RASAL2: variants seen among roughly 807,000 people sequenced by gnomAD.
RASAL2 encodes the protein RAS protein activator like 2, also known as ras GTPase-activating protein nGAP.
Under a neutral mutation model 128.9 loss-of-function variants are expected in RASAL2, and 58 were observed. The observed-to-expected ratio is 0.45, with a 90% confidence interval of 0.36 to 0.56. RASAL2 has a LOEUF of 0.56. Ranked by LOEUF, RASAL2 falls within the 20% of genes least tolerant of loss-of-function variation. The pLI is 0.00. For synonymous variants in RASAL2, 561 were observed against 580.8 expected, an observed-to-expected ratio of 0.97 and a Z score of 0.49; for missense variants, 1,360 against 1,601.6, an observed-to-expected ratio of 0.85 and a Z score of 2.57.
At chr1:178,390,346 C>T in intron 4 of RASAL2, 140 bp downstream of exon 4, 1 of 567,600 alleles carries the variant, frequency 1.8e-6, no homozygotes, top group Non-Finnish European at 3.0e-6. Context: ...AGGATAGACT[C>T]ATCAACTTGT....
At chr1:178,345,453 C>A (rs926716395) in intron 3 of RASAL2, among the ~76,000 whole-genome samples, 2 of 152,062 alleles carry the variant, frequency 1.3e-5, no homozygotes, top group Non-Finnish European at 1.5e-5. Context: ...GAATCCAATT[C>A]CAAAGATTAC....
At chr1:178,241,383 G>A (rs748895015) in intron 1 of RASAL2, among the ~76,000 whole-genome samples, 18 of 152,188 alleles carry the variant, frequency 1.2e-4, no homozygotes, top group Non-Finnish European at 1.8e-4. Flanking sequence ...TTTCACGTGT[G>A]TTGCTAGTAT....
In RASAL2 at chr1:178,458,689, T is replaced by G. The variant is rs907949802; in HGVS notation, c.3252+145T>G. 9 of 1,177,896 alleles carry G rather than the reference T, an allele frequency of 7.6e-6. No individual in the cohort carries two copies. The African/African-American group carries it at 1.1e-4, about 14-fold the overall frequency. The allele number at this position is 1,177,896 out of a possible 1,614,324, so 73.0% of individuals were successfully genotyped here. A position where few individuals can be genotyped will look rare whatever the true frequency, so the allele number is the denominator to read the frequency against. Reference sequence around the variant, plus strand: ...TAAATGGAAAGAGGAAAGGAAAAATTTGGGAGGCTTCTGCCCAGGTGTGAC... The same window carrying G: ...TAAATGGAAAGAGGAAAGGAAAAATGTGGGAGGCTTCTGCCCAGGTGTGAC... On this transcript the variant is annotated intron_variant, in intron 14 of 17. Coordinates refer to ENST00000367649, the MANE Select transcript of RASAL2 (RefSeq NM_170692.4).
chr1:178,362,874 T>TAC lies in RASAL2; in HGVS notation c.458-27217_458-27216dup, dbSNP rs562429305. 1.6e-4 allele frequency among the ~76,000 whole-genome samples: 24 copies of TAC among 152,260 alleles called. No individual in the cohort carries two copies. In the South Asian group the frequency reaches 5.0e-3, roughly 32 times the overall value. Reference sequence around the variant, plus strand: ...TTTCAAGGATGAATATTTCATTACATACACACACACCCACATCATAGTTTC... The same window carrying TAC: ...TTTCAAGGATGAATATTTCATTACATACACACACACACCCACATCATAGTTTC... On this transcript the variant is annotated intron_variant, in intron 3 of 17. Transcript: ENST00000367649.
chr1:178,310,081 G>A (rs1668168874), intron 3 of RASAL2, among the ~76,000 whole-genome samples: 1 of 152,082 alleles, frequency 6.6e-6, no homozygotes, highest in Admixed American at 6.6e-5. Flanking sequence ...TGAGGACTCT[G>A]TTTTTATTCC....
intron 1 of RASAL2, among the ~76,000 whole-genome samples, chr1:178,156,600 CACAA>C (rs1316060670): frequency 1.3e-5 from 2 of 152,076 alleles, no homozygotes; most frequent in African/African-American, 4.8e-5. Context: ...ATATATGAGT[CACAA>C]ACTTCAACTA....
chr1:178,124,789 ACT>A (rs780152915), intron 1 of RASAL2, among the ~76,000 whole-genome samples: 8 of 152,010 alleles, frequency 5.3e-5, no homozygotes, highest in Admixed American at 1.3e-4. Flanking sequence ...TTTGGGAGAG[ACT>A]CTCTAATTTT....
At chr1:178,186,806 CTTTTTCT>C (rs1287220410) in intron 1 of RASAL2, among the ~76,000 whole-genome samples, 1 of 151,722 alleles carries the variant, frequency 6.6e-6, no homozygotes, top group Non-Finnish European at 1.5e-5. Context: ...TTCTTTCTTC[CTTTTTCT>C]TTTTTCTTTC....
intron 3 of RASAL2, among the ~76,000 whole-genome samples, chr1:178,334,797 A>G (rs1414368691): frequency 6.6e-6 from 1 of 152,190 alleles, no homozygotes; most frequent in African/African-American, 2.4e-5. Flanking sequence ...TTCTTTACTG[A>G]AAATACAAAA....
At chr1:178,424,435 C>T (rs1471055184) in intron 5 of RASAL2, among the ~76,000 whole-genome samples, 1 of 151,550 alleles carries the variant, frequency 6.6e-6, no homozygotes, top group Non-Finnish European at 1.5e-5. Flanking sequence ...TTGAGATAAA[C>T]CACAAACCTT....
chr1:178,282,493 T>A (rs916855543), intron 1 of RASAL2, among the ~76,000 whole-genome samples: 6 of 152,154 alleles, frequency 3.9e-5, no homozygotes, highest in Non-Finnish European at 7.4e-5. Flanking sequence ...TTCCTTGAAG[T>A]CAAGCCAGTG....
chr1:178,186,292 G>GA (rs1662293741), intron 1 of RASAL2, among the ~76,000 whole-genome samples: 2 of 151,298 alleles, frequency 1.3e-5, no homozygotes, highest in African/African-American at 2.4e-5. Flanking sequence ...ACTGGGTAGA[G>GA]ATTTATCTAT....
At chr1:178,162,654 C>A (rs965101690) in intron 1 of RASAL2, among the ~76,000 whole-genome samples, 1 of 148,816 alleles carries the variant, frequency 6.7e-6, no homozygotes, top group Non-Finnish European at 1.5e-5. Flanking sequence ...GTGGCACGAT[C>A]TCAGCTCACC....
chr1:178,296,033 G>A (rs1453448410), intron 2 of RASAL2, among the ~76,000 whole-genome samples: 3 of 151,862 alleles, frequency 2.0e-5, no homozygotes, highest in Non-Finnish European at 4.4e-5. Flanking sequence ...CAGAAAATAT[G>A]TGTGTATGTG....
intron 1 of RASAL2, among the ~76,000 whole-genome samples, chr1:178,176,390 C>T (rs575736982): frequency 1.4e-5 from 2 of 146,178 alleles, no homozygotes; most frequent in East Asian, 1.9e-4. Flanking sequence ...GTCATTTGCC[C>T]ACTTTTTGAT....
At chr1:178,225,223 G>C (rs1451868431) in intron 1 of RASAL2, among the ~76,000 whole-genome samples, 1 of 151,710 alleles carries the variant, frequency 6.6e-6, no homozygotes, top group African/African-American at 2.4e-5. Flanking sequence ...TATTTTTGCT[G>C]TGGATTTTAA....
At chr1:178,414,788 A>G (rs1380292607) in intron 4 of RASAL2, among the ~76,000 whole-genome samples, 2 of 152,126 alleles carry the variant, frequency 1.3e-5, no homozygotes, top group Admixed American at 6.5e-5. Context: ...TCTTTAATAG[A>G]TATAGCCCTA....
intron 1 of RASAL2, among the ~76,000 whole-genome samples, chr1:178,186,726 G>A (rs12026482): frequency 0.088 from 13,304 of 151,854 alleles, 620 homozygotes; most frequent in Middle Eastern, 0.13. Flanking sequence ...GGTTTTCTTG[G>A]TTTTATCCTG....
At chr1:178,120,728 G>A (rs1306258061) in intron 1 of RASAL2, among the ~76,000 whole-genome samples, 1 of 152,178 alleles carries the variant, frequency 6.6e-6, no homozygotes, top group Non-Finnish European at 1.5e-5. Context: ...ACCAGCGCTA[G>A]CATTACCACC....
Sources: gnomAD v4.1 joint callset for allele counts (sites outside exome capture counted in the v4.1 genomes callset) on GRCh38, gnomAD v4.1.1 for gene constraint, MANE v1.5 for transcripts, NCBI Gene and HGNC (gene_info 2026-07-23, HGNC 2026-07-21) for gene names.